RNF32: variants seen among roughly 807,000 people sequenced by gnomAD.
RNF32 encodes the protein ring finger protein 32.
A neutral mutation model predicts 41.0 loss-of-function variants in RNF32; 36 were observed. That is an observed-to-expected ratio of 0.88 (90% CI 0.67 to 1.16). RNF32 has a LOEUF of 1.16. RNF32 is among the 50% of genes most tolerant of loss of function. The probability of loss-of-function intolerance (pLI) is 0.00; values close to 1 mark genes in which losing one functional copy is unlikely to be tolerated. For synonymous variants in RNF32, 154 were observed against 160.9 expected (o/e 0.96, Z 0.32); for missense variants, 413 against 436.7 (o/e 0.95, Z 0.48).
At chr7:156,655,258 C>CAG (rs1240865253) in intron 4 of RNF32, among the ~76,000 whole-genome samples, 1 of 151,624 alleles carries the variant, frequency 6.6e-6, no homozygotes, top group East Asian at 1.9e-4. Flanking sequence ...CACACACACA[C>CAG]ACACAGAGAG....
chr7:156,651,994 G>A (rs941692147), intron 3 of RNF32, among the ~76,000 whole-genome samples: 64 of 152,252 alleles, frequency 4.2e-4, no homozygotes, highest in African/African-American at 1.5e-3. Context: ...TGGACCTCAT[G>A]GCGGCCTCCT....
At chr7:156,671,103 A>C (rs1563096043) in intron 7 of RNF32, among the ~76,000 whole-genome samples, 1 of 152,248 alleles carries the variant, frequency 6.6e-6, no homozygotes, top group Non-Finnish European at 1.5e-5. Flanking sequence ...GCAATAGCTA[A>C]AAGAATAGAA....
In RNF32 at chr7:156,658,494, G is replaced by A; in HGVS notation, c.608G>A (p.Arg203Lys). The change falls in exon 7 of 9, where the codon AGA becomes AAA. Residue 203 changes from arginine to lysine, a missense_variant. Transcript: ENST00000317955. ...GCCTACTGGAGAGGATGTGTTGTTA[G>A]AAAGTGGTACAGAAACCTGAGGAAA... ...IQAYWRGCVV[R>K]KWYRNLRKTV... The A allele has an allele frequency of 6.2e-7, 1 of 1,613,610 alleles. No homozygotes were observed. The highest frequency in any genetic ancestry group is 8.5e-7 in the Non-Finnish European group (1 of 1,179,530).
Position 156,649,508 on chromosome 7 carries a change from C to T in RNF32, c.274+4751C>T, listed in dbSNP as rs547545494. 2.1e-3 allele frequency among the ~76,000 whole-genome samples: 318 copies of T among 152,104 alleles called. 2 individuals carry two copies. The highest frequency in any genetic ancestry group is 7.3e-3 in the African/African-American group (303 of 41,478). On this transcript the variant is annotated intron_variant, in intron 3 of 8. Coordinates refer to ENST00000317955, the MANE Select transcript of RNF32 (RefSeq NM_030936.4). ...TCCTTAGCCTAACACGTTTCATTTA[C>T]TTACTTATGTGATGTTTGCCCTTTG...
At chr7:156,641,548 A>G (rs1297186468) in intron 1 of RNF32, among the ~76,000 whole-genome samples, 1 of 152,212 alleles carries the variant, frequency 6.6e-6, no homozygotes, top group Non-Finnish European at 1.5e-5. Context: ...AGGTACTTGA[A>G]GGGTTTTCAA....
rs3030984 is a variant in RNF32, at chr7:156,673,906, T to TAAAA, written c.685-1777_685-1774dup. 4.3e-3 allele frequency among the ~76,000 whole-genome samples: 433 copies of TAAAA among 100,852 alleles called. 2 individuals are homozygous for TAAAA. Among genetic ancestry groups the TAAAA allele is most frequent in the South Asian group, 0.016 (60 of 3,644 alleles). The allele number at this position is 100,852 out of a possible 152,430, so 66.2% of individuals were successfully genotyped here. Reference sequence around the variant, plus strand: ...GTTCTGCCAGGTTGCTCCACATTAATAAAAAAAAAAAAAAAAGAAAAAGTG... The same window carrying TAAAA: ...GTTCTGCCAGGTTGCTCCACATTAATAAAAAAAAAAAAAAAAAAAAGAAAAAGTG... On this transcript the variant is annotated intron_variant, in intron 7 of 8. Transcript: ENST00000317955.
intron 3 of RNF32, among the ~76,000 whole-genome samples, chr7:156,651,776 G>T (rs1215205274): frequency 6.6e-6 from 1 of 152,018 alleles, no homozygotes; most frequent in South Asian, 2.1e-4. Flanking sequence ...TCACATTTTA[G>T]TTTCCTCTAT....
At position 156,670,516 on chromosome 7, in the gene RNF32, TA is replaced by T. The variant is rs1802251151; in HGVS notation, c.685-5179del. Among the ~76,000 whole-genome samples, 1 of 152,200 alleles carries T rather than the reference TA, an allele frequency of 6.6e-6. No individual in the cohort carries two copies. The highest frequency in any genetic ancestry group is 1.5e-5 in the Non-Finnish European group (1 of 68,028). On this transcript the variant is annotated intron_variant, in intron 7 of 8. Transcript: ENST00000317955. The surrounding 1 kb of genome is among the most constrained non-coding windows in gnomAD (Gnocchi z 4.3). ...AAGAATTTTCCAGATCTGAAGAAGA[TA>T]CAAGCCACAGATTTAAGAAGCCCAA...
intron 7 of RNF32, among the ~76,000 whole-genome samples, chr7:156,665,929 G>A (rs1417609749): frequency 7.2e-5 from 11 of 152,166 alleles, no homozygotes; most frequent in Non-Finnish European, 1.2e-4. Flanking sequence ...GCACACTAAA[G>A]GATATTCCTT....
At chr7:156,661,104 T>C (rs1404582359) in intron 7 of RNF32, among the ~76,000 whole-genome samples, 1 of 152,200 alleles carries the variant, frequency 6.6e-6, no homozygotes, top group African/African-American at 2.4e-5. Flanking sequence ...GGCATGGCCT[T>C]AGGTCTTGTT....
At chr7:156,659,754 G>A (rs1463588524) in intron 7 of RNF32, 1 of 690,204 alleles carries the variant, frequency 1.4e-6, no homozygotes, top group Admixed American at 6.3e-5. Context: ...AACAAGTGAA[G>A]CAACCATTAC....
intron 1 of RNF32, among the ~76,000 whole-genome samples, chr7:156,642,523 A>C (rs961127902): frequency 1.3e-5 from 2 of 152,250 alleles, no homozygotes; most frequent in African/African-American, 4.8e-5. Flanking sequence ...TTCTTACTGC[A>C]TCGGGTATTG....
Position 156,658,232 on chromosome 7 carries a change from C to A in RNF32, c.555C>A (p.Phe185Leu). Reference protein sequence around the residue: ...TRVIHDGARLFRIKCVTRIQA... With the variant: ...TRVIHDGARLLRIKCVTRIQA... ...TGATACACGATGGGGCCCGCCTGTT[C>A]AGAATCAAGTGTGTGACCAGGTGAG... Residue 185 changes from phenylalanine to leucine, a missense_variant, in exon 6 of 9, where the codon TTC becomes TTA. Physicochemically the swap from Phe to Leu is conservative, Grantham distance 22 (BLOSUM62 0). Transcript: ENST00000317955. 1 of 1,614,184 alleles carries A rather than the reference C, an allele frequency of 6.2e-7. No individual in the cohort carries two copies. Among genetic ancestry groups the A allele is most frequent in the South Asian group, 1.1e-5 (1 of 91,070 alleles).
At chr7:156,662,465 G>A (rs1800784904) in intron 7 of RNF32, among the ~76,000 whole-genome samples, 1 of 152,138 alleles carries the variant, frequency 6.6e-6, no homozygotes. Context: ...AAACATTATT[G>A]CTGGGTGTGC....
At chr7:156,664,274 C>G (rs1265970010) in intron 7 of RNF32, among the ~76,000 whole-genome samples, 15 of 152,138 alleles carry the variant, frequency 9.9e-5, no homozygotes, top group Admixed American at 9.8e-4. Context: ...CCAGCCTGAC[C>G]AACATGGAGA....
chr7:156,640,664 G>T (rs544819730), upstream of RNF32: 2 of 337,942 alleles, frequency 5.9e-6, no homozygotes, highest in East Asian at 1.3e-4. Flanking sequence ...TGCGCAGTAT[G>T]GGGCGGGGCG....
At chr7:156,651,339 G>A (rs1305673260) in intron 3 of RNF32, among the ~76,000 whole-genome samples, 3 of 151,326 alleles carry the variant, frequency 2.0e-5, no homozygotes, top group Non-Finnish European at 4.4e-5. Context: ...TGAGCCTCCT[G>A]AGTAGCTGGG....
At chr7:156,640,387 G>A (rs1263551817), upstream of RNF32, 8 of 434,980 alleles carry the variant, frequency 1.8e-5, no homozygotes, top group African/African-American at 8.2e-5. Context: ...CGGGGGCTGC[G>A]GACTACAGCG....
At chr7:156,642,746 T>G (rs569365891) in intron 1 of RNF32, among the ~76,000 whole-genome samples, 8 of 152,268 alleles carry the variant, frequency 5.3e-5, no homozygotes, top group East Asian at 1.9e-4. Context: ...GACGCCCCAG[T>G]GAGCCTCACG....
Sources: gnomAD v4.1 joint callset for allele counts (sites outside exome capture counted in the v4.1 genomes callset) on GRCh38, gnomAD v4.1.1 for gene constraint, Gnocchi (gnomAD v3.1) non-coding constraint, MANE v1.5 for transcripts, NCBI Gene and HGNC (gene_info 2026-07-23, HGNC 2026-07-21) for gene names.